AATF: variants seen among roughly 807,000 people sequenced by gnomAD.
AATF encodes the protein protein AATF.
AATF carries 48 observed loss-of-function variants against 63.7 expected under a neutral mutation model. The ratio of observed to expected loss-of-function variants is 0.75; its 90% confidence interval spans 0.60 to 0.96. The LOEUF (loss-of-function observed/expected upper bound fraction) is 0.96. AATF is among the 40% of genes least tolerant of loss of function. The pLI, the probability that AATF is intolerant of heterozygous loss-of-function variation, is 0.00. For missense variants in AATF, 639 were observed against 685.7 expected (o/e 0.93, Z 0.76); for synonymous variants, 258 against 247.7 (o/e 1.04, Z -0.39).
At chr17:37,011,337 G>A (rs759105121) in intron 8 of AATF, among the ~76,000 whole-genome samples, 4 of 151,954 alleles carry the variant, frequency 2.6e-5, no homozygotes, top group South Asian at 2.1e-4. Flanking sequence ...ATAGCACCAC[G>A]GCACTCCAGC....
At chr17:36,955,812 G>A (rs1295989018) in intron 4 of AATF, among the ~76,000 whole-genome samples, 3 of 152,160 alleles carry the variant, frequency 2.0e-5, no homozygotes, top group African/African-American at 7.2e-5. Flanking sequence ...GCCCAGGCTG[G>A]AGTGCAGTAG....
At chr17:36,995,951 G>A (rs1597718127) in intron 8 of AATF, among the ~76,000 whole-genome samples, 2 of 152,122 alleles carry the variant, frequency 1.3e-5, no homozygotes, top group African/African-American at 2.4e-5. Context: ...AGTCTGATTT[G>A]AACCTGCCTC....
intron 11 of AATF, among the ~76,000 whole-genome samples, chr17:37,051,482 A>G (rs1375197748): frequency 6.6e-6 from 1 of 152,166 alleles, no homozygotes; most frequent in Non-Finnish European, 1.5e-5. Context: ...GTGAGTGCAC[A>G]TGTGGAACTG....
intron 4 of AATF, among the ~76,000 whole-genome samples, chr17:36,976,330 G>C (rs1173953709): frequency 2.0e-5 from 3 of 152,172 alleles, no homozygotes; most frequent in Non-Finnish European, 2.9e-5. Flanking sequence ...AGGATTGTTA[G>C]AGGACTTAAA....
chr17:36,996,544 A>G lies in AATF; in HGVS notation c.1398+5687A>G, dbSNP rs550235710. 3.3e-5 allele frequency among the ~76,000 whole-genome samples: 5 copies of G among 152,360 alleles called. No individual in the cohort carries two copies. The South Asian group carries it at 6.2e-4, about 19-fold the overall frequency. ...AACTCAAAGCAAATACCAGGGCCCA[A>G]TTAAATTTCAGTTTTAATAACTGCA... is the stretch of plus-strand genomic sequence containing the variant. On this transcript the variant is annotated intron_variant, in intron 8 of 11. Transcript: ENST00000619387.
chr17:37,030,834 A>G (rs1429389753), intron 10 of AATF, among the ~76,000 whole-genome samples: 2 of 152,172 alleles, frequency 1.3e-5, no homozygotes, highest in Non-Finnish European at 2.9e-5. Flanking sequence ...CTGTACCACT[A>G]CCTGTGCTGC....
In AATF at chr17:36,953,025, C is replaced by G; in HGVS notation, c.423C>G (p.Ser141Arg). ...GDHRESKKSR[S>R]HSAKTPGFSV... ...ACAGGGAGAGCAAGAAGAGCAGAAG[C>G]CACTCTGCAAAAACACCGGGCTTCA... The change falls in exon 3 of 12, where the codon AGC becomes AGG. Residue 141 changes from serine to arginine, a missense_variant. Coordinates refer to ENST00000619387, the MANE Select transcript of AATF (RefSeq NM_012138.4). 6.2e-7 allele frequency: 1 copy of G among 1,614,044 alleles called. No individual in the cohort carries two copies. The highest frequency in any genetic ancestry group is 8.5e-7 in the Non-Finnish European group (1 of 1,180,004).
chr17:36,956,662 A>G (rs2070903232), intron 4 of AATF, among the ~76,000 whole-genome samples: 2 of 147,092 alleles, frequency 1.4e-5, no homozygotes, highest in South Asian at 4.3e-4. Flanking sequence ...AACAAGAGTG[A>G]AACTCCGTCT....
chr17:36,950,113 G>T (rs941068641), intron 1 of AATF, 101 bp from the exon 2 acceptor site: 3 of 1,322,762 alleles, frequency 2.3e-6, no homozygotes, highest in Admixed American at 2.1e-5. Context: ...TGGGGATTTC[G>T]TAAAGGACGT....
rs202139717 is a variant in AATF, at chr17:36,953,135, G to T, written c.533G>T (p.Ser178Ile). 1 of 1,614,064 alleles carries T rather than the reference G, an allele frequency of 6.2e-7. No homozygotes were observed. The highest frequency in any genetic ancestry group is 1.3e-5 in the African/African-American group (1 of 74,924). ...GSSEEEEDEESGMEEGDDAED... is the reference protein window; with the variant it reads ...GSSEEEEDEEIGMEEGDDAED... ...AGTGAGGAGGAGGAAGACGAAGAGA[G>T]TGGCATGGAAGAAGGGGATGACGCG... is the stretch of plus-strand genomic sequence containing the variant. Residue 178 changes from serine to isoleucine, a missense_variant, in exon 3 of 12, where the codon AGT (serine) becomes ATT (isoleucine). By Grantham distance (142) the Ser-to-Ile change is moderately radical. Transcript: ENST00000619387.
chr17:36,953,441 C>T, intron 3 of AATF, 145 bp downstream of exon 3: 1 of 1,400,368 alleles, frequency 7.1e-7, no homozygotes, highest in South Asian at 1.5e-5. Flanking sequence ...AAGCCTAAAG[C>T]CCTATTCCTG....
chr17:36,992,370 A>G (rs887876552), intron 8 of AATF, among the ~76,000 whole-genome samples: 43 of 152,118 alleles, frequency 2.8e-4, no homozygotes, highest in Admixed American at 5.9e-4. Flanking sequence ...TTCTCTTATT[A>G]TATTCATTTG....
intron 8 of AATF, chr17:36,998,915 T>C (rs146221494): frequency 1.1e-4 from 16 of 152,336 alleles, no homozygotes; most frequent in African/African-American, 3.8e-4. Context: ...AGGTATTTGA[T>C]ACAAAAATGT....
chr17:37,004,600 T>A (rs2071328097), intron 8 of AATF, among the ~76,000 whole-genome samples: 1 of 152,018 alleles, frequency 6.6e-6, no homozygotes, highest in Non-Finnish European at 1.5e-5. Context: ...GACTTATGAG[T>A]ACAGTTGCAG....
At position 36,951,858 on chromosome 17, in the gene AATF, C is replaced by T. The variant is rs763355204; in HGVS notation, c.284-1028C>T. Among the ~76,000 whole-genome samples the T allele has an allele frequency of 6.1e-4, 93 of 152,310 alleles. 1 individual carries two copies. Among genetic ancestry groups the T allele is most frequent in the Non-Finnish European group, 9.1e-4 (62 of 68,024 alleles). Reference sequence around the variant, plus strand: ...TTAAAGAAGCGCTGAAGACCTGTCACGCTTTCCTAAAATCTTTATTTTATT... The same window carrying T: ...TTAAAGAAGCGCTGAAGACCTGTCATGCTTTCCTAAAATCTTTATTTTATT... On this transcript the variant is annotated intron_variant, in intron 2 of 11. Coordinates refer to ENST00000619387, the MANE Select transcript of AATF (RefSeq NM_012138.4).
chr17:37,048,363 C>CTT (rs60374815), intron 11 of AATF, among the ~76,000 whole-genome samples: 39 of 70,828 alleles, frequency 5.5e-4, no homozygotes, highest in East Asian at 8.0e-4. Context: ...TTTTTCTTTT[C>CTT]TTTTTTTTTT....
At chr17:36,973,372 C>T (rs1422629269) in intron 4 of AATF, among the ~76,000 whole-genome samples, 1 of 152,134 alleles carries the variant, frequency 6.6e-6, no homozygotes, top group Non-Finnish European at 1.5e-5. Context: ...TCTGCTGTGC[C>T]TCACAAACGT....
intron 4 of AATF, among the ~76,000 whole-genome samples, chr17:36,970,475 T>G (rs1012139406): frequency 6.6e-6 from 1 of 152,084 alleles, no homozygotes; most frequent in African/African-American, 2.4e-5. Flanking sequence ...GGCAGTTGAC[T>G]TTTAAAGGTG....
At chr17:37,011,084 A>T (rs926858602) in intron 8 of AATF, among the ~76,000 whole-genome samples, 1 of 152,214 alleles carries the variant, frequency 6.6e-6, no homozygotes, top group Non-Finnish European at 1.5e-5. Context: ...AAAAATATGT[A>T]TGAGGGCCGG....
Sources: gnomAD v4.1 joint callset for allele counts (sites outside exome capture counted in the v4.1 genomes callset) on GRCh38, gnomAD v4.1.1 for gene constraint, MANE v1.5 for transcripts, NCBI Gene and HGNC (gene_info 2026-07-23, HGNC 2026-07-21) for gene names.